Variants in FER1L6 observed in about 807,000 individuals in gnomAD.
FER1L6 encodes fer-1-like protein 6.
In FER1L6, 177 loss-of-function variants were observed where a neutral mutation model predicts 219.2. The observed-to-expected ratio is 0.81, with a 90% confidence interval of 0.71 to 0.91. The LOEUF is 0.91. Ranked by LOEUF, FER1L6 falls within the 40% of genes least tolerant of loss-of-function variation. The probability of loss-of-function intolerance (pLI) is 0.00; values close to 1 mark genes in which losing one functional copy is unlikely to be tolerated. For synonymous variants in FER1L6, 768 were observed against 824.3 expected, an observed-to-expected ratio of 0.93 and a Z score of 1.17; for missense variants, 2,153 against 2,259.9, an observed-to-expected ratio of 0.95 and a Z score of 0.96.
intron 39 of FER1L6, among the ~76,000 whole-genome samples, chr8:124,112,549 G>T (rs925140763): frequency 6.6e-6 from 1 of 151,924 alleles, no homozygotes; most frequent in African/African-American, 2.4e-5. Flanking sequence ...ACTCTTTTAA[G>T]AGACAAAGAT....
chr8:123,867,922 C>G (rs1010969970), intron 1 of FER1L6, among the ~76,000 whole-genome samples: 1 of 152,206 alleles, frequency 6.6e-6, no homozygotes, highest in African/African-American at 2.4e-5. Context: ...AGGTCCTGTT[C>G]TGCTCTCTAC....
At chr8:124,072,799 CCCTCAGGATG>C (rs1178707923) in intron 31 of FER1L6, among the ~76,000 whole-genome samples, 1 of 152,170 alleles carries the variant, frequency 6.6e-6, no homozygotes, top group Non-Finnish European at 1.5e-5. Flanking sequence ...TGAAACACCA[CCCTCAGGATG>C]CCTCAGGATG....
At position 124,023,313 on chromosome 8, in the gene FER1L6, G is replaced by T. The variant is rs148557749; in HGVS notation, c.2134-131G>T. On this transcript the variant is annotated intron_variant, in intron 17 of 40. Coordinates refer to ENST00000522917, the MANE Select transcript of FER1L6 (RefSeq NM_001039112.2). ...GCATAGATGTTTCAGTGCCTAGATG[G>T]TGTCAGTCACAGCATTTGTTTTGTC... 29 of 856,042 alleles carry T rather than the reference G, an allele frequency of 3.4e-5. No homozygotes were observed. The East Asian group carries it at 6.8e-4, about 20-fold the overall frequency. 53.0% of individuals were successfully genotyped at this position (856,042 alleles called of 1,614,324 possible). A position where few individuals can be genotyped will look rare whatever the true frequency, so the allele number is the denominator to read the frequency against.
rs749628921 is a variant in FER1L6 at position 124,097,780 on chromosome 8, C to T, written c.4785-5C>T. The stretch of plus-strand genomic sequence containing the variant: ...TCGACCTAATGCTTCCTTCTCCCAT[C>T]CCAGATACGAATTGAGAGTGACCAT... On this transcript the variant is annotated splice_polypyrimidine_tract_variant and splice_region_variant and intron_variant, in intron 36 of 40. Transcript: ENST00000522917. 6.6e-7 allele frequency: 1 copy of T among 1,523,280 alleles called. No individual in the cohort carries two copies. Among genetic ancestry groups the T allele is most frequent in the South Asian group, 1.1e-5 (1 of 89,266 alleles). 94.4% of individuals were successfully genotyped at this position (1,523,280 alleles called of 1,614,324 possible).
chr8:124,098,000 C>T, intron 37 of FER1L6, 117 bp downstream of exon 37: 1 of 555,144 alleles, frequency 1.8e-6, no homozygotes, highest in Non-Finnish European at 3.2e-6. Flanking sequence ...AGTGAGCCAT[C>T]TTACTTTTAA....
intron 1 of FER1L6, among the ~76,000 whole-genome samples, chr8:123,911,287 T>G (rs76592583): frequency 6.6e-6 from 1 of 152,208 alleles, no homozygotes; most frequent in Non-Finnish European, 1.5e-5. Flanking sequence ...ATGATAGTTA[T>G]GCAATAAAAT....
intron 39 of FER1L6, among the ~76,000 whole-genome samples, chr8:124,115,410 C>T (rs185285973): frequency 3.9e-5 from 6 of 152,038 alleles, no homozygotes; most frequent in African/African-American, 1.2e-4. Flanking sequence ...TCCCAATGCC[C>T]GATAGATGCA....
chr8:124,038,146 G>T (rs1819300626), intron 19 of FER1L6, among the ~76,000 whole-genome samples: 1 of 152,038 alleles, frequency 6.6e-6, no homozygotes, highest in South Asian at 2.1e-4. Flanking sequence ...CTACATTCTT[G>T]CCCCATGTGG....
intron 2 of FER1L6, among the ~76,000 whole-genome samples, chr8:123,959,949 T>C (rs961921115): frequency 6.6e-5 from 10 of 152,212 alleles, no homozygotes; most frequent in African/African-American, 2.2e-4. Flanking sequence ...CCCAATTCTT[T>C]TGTCTTACGG....
At chr8:124,051,051 G>A (rs1819999154) in intron 22 of FER1L6, among the ~76,000 whole-genome samples, 1 of 152,174 alleles carries the variant, frequency 6.6e-6, no homozygotes, top group Admixed American at 6.5e-5. Flanking sequence ...AACAGAATGA[G>A]TTAAGAATGA....
intron 32 of FER1L6, among the ~76,000 whole-genome samples, chr8:124,077,902 T>G (rs1384257510): frequency 6.6e-6 from 1 of 152,240 alleles, no homozygotes; most frequent in Non-Finnish European, 1.5e-5. Context: ...AGCCAGGGTC[T>G]GCGGAATCCT....
intron 19 of FER1L6, among the ~76,000 whole-genome samples, chr8:124,038,065 C>T (rs777256821): frequency 4.6e-5 from 7 of 152,184 alleles, no homozygotes; most frequent in East Asian, 1.9e-4. Context: ...CCGATTGCCT[C>T]GTTCAGGCCT....
intron 12 of FER1L6, among the ~76,000 whole-genome samples, chr8:123,989,573 C>A (rs1027934022): frequency 2.6e-5 from 4 of 152,124 alleles, no homozygotes; most frequent in African/African-American, 9.7e-5. Context: ...CATACCTCTT[C>A]CTTCTGAGTC....
intron 1 of FER1L6, among the ~76,000 whole-genome samples, chr8:123,872,124 A>G (rs1816934471): frequency 6.6e-6 from 1 of 152,150 alleles, no homozygotes; most frequent in Non-Finnish European, 1.5e-5. Context: ...GTGAGGTGCC[A>G]CATACTTTAA....
chr8:124,086,447 C>CA (rs202042174), intron 33 of FER1L6, among the ~76,000 whole-genome samples: 108 of 138,972 alleles, frequency 7.8e-4, no homozygotes, highest in East Asian at 7.2e-3. Context: ...CATAAACAAA[C>CA]AAAAAAAAAA....
chr8:124,028,436 A>G (rs4631446), intron 18 of FER1L6, among the ~76,000 whole-genome samples: 124,532 of 151,624 alleles, frequency 0.82, 51,661 homozygotes, highest in Non-Finnish European at 0.89. Flanking sequence ...TCACTGAATG[A>G]GCAAGATCAG....
chr8:124,050,846 C>T (rs905192470), intron 22 of FER1L6, among the ~76,000 whole-genome samples: 10 of 151,960 alleles, frequency 6.6e-5, no homozygotes, highest in Non-Finnish European at 1.3e-4. Context: ...TCCTAAAGAC[C>T]CCACTTCCAA....
intron 1 of FER1L6, among the ~76,000 whole-genome samples, chr8:123,947,496 T>G (rs892148838): frequency 6.6e-6 from 1 of 152,234 alleles, no homozygotes; most frequent in Non-Finnish European, 1.5e-5. Flanking sequence ...ACTCTTTTCT[T>G]GTTATATGAT....
At chr8:124,030,564 G>C (rs1338537941) in intron 18 of FER1L6, among the ~76,000 whole-genome samples, 1 of 152,070 alleles carries the variant, frequency 6.6e-6, no homozygotes, top group Non-Finnish European at 1.5e-5. Context: ...AGAGCCCAGA[G>C]GGTGGCGCTC....
Sources: allele counts gnomAD v4.1 joint callset (sites outside exome capture counted in the v4.1 genomes callset), GRCh38; gene constraint gnomAD v4.1.1; transcripts MANE v1.5; gene names NCBI Gene and HGNC (gene_info 2026-07-23, HGNC 2026-07-21).